The following SCARA3 variants were observed in gnomAD, a reference collection of about 807,000 sequenced individuals.
SCARA3 encodes the protein cellular stress response gene protein.
A neutral mutation model predicts 47.0 loss-of-function variants in SCARA3; 39 were observed. The ratio of observed to expected loss-of-function variants is 0.83; its 90% CI spans 0.64 to 1.08. The LOEUF is 1.08. Ranked by LOEUF, SCARA3 falls within the 50% of genes least tolerant of loss-of-function variation. SCARA3 has a pLI of 0.00. For missense variants in SCARA3, 724 were observed against 792.3 expected (o/e 0.91, Z 1.04); for synonymous variants, 356 against 334.1 (o/e 1.07, Z -0.71).
intron 2 of SCARA3, among the ~76,000 whole-genome samples, chr8:27,650,065 T>A (rs1801599843): frequency 6.6e-6 from 1 of 152,190 alleles, no homozygotes; most frequent in Admixed American, 6.5e-5. Context: ...CAACCACAGA[T>A]CACTGCAGCC....
At chr8:27,675,859 G>C (rs1238869318), downstream of SCARA3, among the ~76,000 whole-genome samples, 1 of 151,730 alleles carries the variant, frequency 6.6e-6, no homozygotes, top group Non-Finnish European at 1.5e-5. Context: ...TCAGAATCAG[G>C]GACGCGGTGG....
chr8:27,653,268 A>G (rs1042757399), intron 3 of SCARA3, among the ~76,000 whole-genome samples: 1 of 152,222 alleles, frequency 6.6e-6, no homozygotes, highest in Admixed American at 6.5e-5. Context: ...TGTCATGTGC[A>G]TAACATCCAT....
chr8:27,707,140 C>G, the SCARA3 span, among the ~76,000 whole-genome samples: 1 of 152,144 alleles, frequency 6.6e-6, no homozygotes, highest in Non-Finnish European at 1.5e-5. Context: ...AGTTCTCCAG[C>G]CCCTTCCTTT....
At chr8:27,649,832 C>T in intron 2 of SCARA3, 32 bp downstream of exon 2, 2 of 1,562,118 alleles carry the variant, frequency 1.3e-6, no homozygotes, top group Non-Finnish European at 1.8e-6. Context: ...CTGATCTCCG[C>T]TCTGGGCTGA....
At chr8:27,633,619 G>A (rs1456942304), upstream of SCARA3, among the ~76,000 whole-genome samples, 1 of 152,196 alleles carries the variant, frequency 6.6e-6, no homozygotes, top group African/African-American at 2.4e-5. Flanking sequence ...CATTGCGGCC[G>A]CAGCGCGGGC....
chr8:27,710,808 G>C, the SCARA3 span, among the ~76,000 whole-genome samples: 1 of 151,934 alleles, frequency 6.6e-6, no homozygotes, highest in Non-Finnish European at 1.5e-5. Flanking sequence ...TGGGTTGTGC[G>C]GATGGTATTT....
At chr8:27,706,650 A>C in the SCARA3 span, among the ~76,000 whole-genome samples, 2 of 152,202 alleles carry the variant, frequency 1.3e-5, no homozygotes, top group African/African-American at 4.8e-5. Context: ...TGAGCTGTGG[A>C]GGTGAAGAGA....
chr8:27,660,694 G>GATAA (rs386360495), intron 5 of SCARA3, among the ~76,000 whole-genome samples: 1,501 of 32,304 alleles, frequency 0.046, 15 homozygotes, highest in South Asian at 0.099. Flanking sequence ...AGTGATAGAT[G>GATAA]ATAGATAGAT....
At chr8:27,656,756 CA>C in intron 3 of SCARA3, 25 bp from the exon 4 acceptor site, 1 of 1,420,088 alleles carries the variant, frequency 7.0e-7, no homozygotes. Flanking sequence ...GACCCTGCCC[CA>C]GCTTCTCATC....
the SCARA3 span, among the ~76,000 whole-genome samples, chr8:27,718,605 T>C: frequency 6.6e-6 from 1 of 152,166 alleles, no homozygotes; most frequent in African/African-American, 2.4e-5. Context: ...AAGTATTTAT[T>C]GGGAAAACTA....
At chr8:27,692,052 G>C in the SCARA3 span, among the ~76,000 whole-genome samples, 1 of 152,246 alleles carries the variant, frequency 6.6e-6, no homozygotes. Context: ...TGATGGGAAG[G>C]GGGAGTTGGA....
downstream of SCARA3, among the ~76,000 whole-genome samples, chr8:27,678,576 A>G (rs558791550): frequency 7.2e-5 from 11 of 152,346 alleles, no homozygotes; most frequent in African/African-American, 2.6e-4. Context: ...ACACCCAAAT[A>G]GGCTCACTGA....
intron 5 of SCARA3, among the ~76,000 whole-genome samples, chr8:27,663,529 T>A (rs971429450): frequency 6.6e-6 from 1 of 152,176 alleles, no homozygotes; most frequent in African/African-American, 2.4e-5. Flanking sequence ...ACACGCAACT[T>A]TATGGATTAG....
At chr8:27,704,067 G>A in the SCARA3 span, among the ~76,000 whole-genome samples, 2 of 151,774 alleles carry the variant, frequency 1.3e-5, no homozygotes, top group Non-Finnish European at 2.9e-5. Flanking sequence ...GGGAGAAAGG[G>A]GAAAGAGGAA....
chr8:27,674,088 G>A (rs1306007785), downstream of SCARA3, among the ~76,000 whole-genome samples: 5 of 152,156 alleles, frequency 3.3e-5, no homozygotes, highest in South Asian at 2.1e-4. Context: ...AAGTGTTCCC[G>A]CCCCAATCCT....
chr8:27,730,768 G>T, the SCARA3 span, among the ~76,000 whole-genome samples: 6 of 151,934 alleles, frequency 3.9e-5, no homozygotes, highest in South Asian at 1.2e-3. Flanking sequence ...GGGATTACAG[G>T]CATGAGTCCA....
chr8:27,710,216 C>A, the SCARA3 span, among the ~76,000 whole-genome samples: 2 of 124,202 alleles, frequency 1.6e-5, no homozygotes, highest in Non-Finnish European at 3.2e-5. Flanking sequence ...GGCGACAGAG[C>A]GAGACTCCGT....
chr8:27,666,572 C>T (rs553941681), intron 5 of SCARA3, among the ~76,000 whole-genome samples: 5 of 152,370 alleles, frequency 3.3e-5, no homozygotes, highest in East Asian at 3.9e-4. Context: ...GCCCCAGCCA[C>T]GCGCTTTGCT....
chr8:27,732,352 G>A, the SCARA3 span, among the ~76,000 whole-genome samples: 2 of 152,130 alleles, frequency 1.3e-5, no homozygotes, highest in East Asian at 1.9e-4. Context: ...TTGCCAGGTC[G>A]GTGCCACTCA....
Sources: gnomAD v4.1 joint callset for allele counts (sites outside exome capture counted in the v4.1 genomes callset) on GRCh38, gnomAD v4.1.1 for gene constraint, MANE v1.5 for transcripts, NCBI Gene and HGNC (gene_info 2026-07-23, HGNC 2026-07-21) for gene names.